Variants in STARD9 observed in about 807,000 individuals in gnomAD.
STARD9 encodes the protein StAR related lipid transfer domain containing 9.
A neutral mutation model predicts 399.8 loss-of-function variants in STARD9; 346 were observed. The observed-to-expected ratio is 0.87, with a 90% CI of 0.79 to 0.95. STARD9 has a LOEUF of 0.95. STARD9 is among the 40% of genes least tolerant of loss of function. STARD9 has a pLI of 0.00. For missense variants in STARD9, 5,832 were observed against 5,667.5 expected, an observed-to-expected ratio of 1.03 and a Z score of -0.93; for synonymous variants, 2,203 against 2,143.5, an observed-to-expected ratio of 1.03 and a Z score of -0.77.
chr15:42,662,974 C>G, intron 11 of STARD9, 83 bp downstream of exon 11: 1 of 1,060,514 alleles, frequency 9.4e-7, no homozygotes, highest in Non-Finnish European at 1.4e-6. Context: ...AGGGTAGACA[C>G]AGGGTTCCTT....
intron 26 of STARD9, among the ~76,000 whole-genome samples, chr15:42,700,054 G>C (rs1219364624): frequency 6.6e-6 from 1 of 152,126 alleles, no homozygotes; most frequent in African/African-American, 2.4e-5. Context: ...GTCTATGCCT[G>C]GTGTCTTCCA....
Position 42,693,191 on chromosome 15 carries a change from C to T in STARD9, c.11613C>T (p.Pro3871=), listed in dbSNP as rs1324924341. ...CCCCTCATTCCCCAGGGCTCTTTCC[C>T]AGTACTTCCGAGTATCCTGGGGACT... ...PSSPHSPGLF[P]STSEYPGDSR... The change falls in exon 23 of 33, where the codon CCC becomes CCT. Residue 3871 remains proline, a synonymous_variant. Coordinates refer to ENST00000290607, the MANE Select transcript of STARD9 (RefSeq NM_020759.3). 1.3e-6 allele frequency: 2 copies of T among 1,537,128 alleles called. No homozygotes were observed. The highest frequency in any genetic ancestry group is 2.0e-5 in the Admixed American group (1 of 50,990).
Position 42,686,322 on chromosome 15 carries a change from A to G in STARD9, c.4744A>G (p.Lys1582Glu). ...TTCAGATTTCTTTAGCACTAGTGAG[A>G]AAGAGGCGAGTTATGACGAAACTTA... Reference protein sequence around the residue: ...GVSDFFSTSEKEASYDETYSA... With the variant: ...GVSDFFSTSEEEASYDETYSA... Residue 1582 changes from lysine (K) to glutamate (E), a missense_variant, in exon 23 of 33, where the codon AAA becomes GAA. Physicochemically the swap from Lys to Glu is moderately conservative, Grantham distance 56. Around this residue, in one of 2 missense-constraint regions of STARD9, gnomAD observed 5,828 missense variants for 5,651.1 expected, o/e 1.03. Coordinates refer to ENST00000290607, the MANE Select transcript of STARD9 (RefSeq NM_020759.3). The G allele has an allele frequency of 6.5e-7, 1 of 1,537,558 alleles. No individual in the cohort carries two copies. Among genetic ancestry groups the G allele is most frequent in the Non-Finnish European group, 8.7e-7 (1 of 1,146,978 alleles).
At chr15:42,644,487 C>T (rs1394610575) in intron 7 of STARD9, among the ~76,000 whole-genome samples, 1 of 150,172 alleles carries the variant, frequency 6.7e-6, no homozygotes, top group African/African-American at 2.5e-5. Context: ...AGTGAGACTC[C>T]GTCTAAAAAA....
At chr15:42,645,519 G>A (rs2059628113) in intron 7 of STARD9, among the ~76,000 whole-genome samples, 1 of 151,902 alleles carries the variant, frequency 6.6e-6, no homozygotes, top group South Asian at 2.1e-4. Flanking sequence ...CCATTTATAG[G>A]GCACAGGCAG....
At chr15:42,576,258 T>C (rs2058053892) in intron 1 of STARD9, among the ~76,000 whole-genome samples, 1 of 152,182 alleles carries the variant, frequency 6.6e-6, no homozygotes, top group Non-Finnish European at 1.5e-5. Flanking sequence ...TTTCTTTCTA[T>C]GCTCGACAGC....
intron 1 of STARD9, among the ~76,000 whole-genome samples, chr15:42,580,847 T>A (rs567177564): frequency 6.6e-6 from 1 of 152,236 alleles, no homozygotes; most frequent in African/African-American, 2.4e-5. Context: ...AGAGTTTAAC[T>A]GTTTTCCTCT....
intron 1 of STARD9, among the ~76,000 whole-genome samples, chr15:42,582,131 C>T (rs560650178): frequency 2.6e-5 from 4 of 152,284 alleles, no homozygotes; most frequent in South Asian, 2.1e-4. Context: ...AGAGTGAGAT[C>T]CTGTCTCTAA....
chr15:42,580,619 G>A (rs561463389), intron 1 of STARD9, among the ~76,000 whole-genome samples: 1 of 152,224 alleles, frequency 6.6e-6, no homozygotes, highest in Admixed American at 6.5e-5. Flanking sequence ...TTCGAGACCA[G>A]CCTGGCCAGT....
chr15:42,685,769 A>C lies in STARD9; in HGVS notation c.4191A>C (p.Lys1397Asn). The part of the protein sequence containing the change: ...DAETVLPYSS[K>N]LHQGSTELLC... ...AAACGGTTCTGCCATATAGCTCCAA[A>C]CTGCACCAAGGCAGTACTGAGCTCC... Residue 1397 changes from lysine (K) to asparagine (N), a missense_variant, in exon 23 of 33, where the codon AAA becomes AAC. By Grantham distance (94) the Lys-to-Asn change is moderately conservative. Coordinates refer to ENST00000290607, the MANE Select transcript of STARD9 (RefSeq NM_020759.3). 1 of 1,537,350 alleles carries C rather than the reference A, an allele frequency of 6.5e-7. No individual in the cohort carries two copies. Among genetic ancestry groups the C allele is most frequent in the Non-Finnish European group, 8.7e-7 (1 of 1,146,934 alleles).
In STARD9 at chr15:42,688,584, C is replaced by T. The variant is rs181691566; in HGVS notation, c.7006C>T (p.Pro2336Ser). ...TCACCAAGACCTGAGTAATACCTTG[C>T]CCTTGAATTCTCCAAGGTGGCCAAG... The part of the protein sequence containing the change: ...PLHQDLSNTL[P>S]LNSPRWPRRC... The change falls in exon 23 of 33, where the codon CCC becomes TCC. Residue 2336 changes from proline to serine, a missense_variant. Physicochemically the swap from Pro to Ser is moderately conservative, Grantham distance 74 (BLOSUM62 -1). This residue lies in a region of STARD9 where 5,828 missense variants were observed against 5,651.1 expected (regional missense o/e 1.03). Transcript: ENST00000290607. 135 of 1,537,590 alleles carry T rather than the reference C, an allele frequency of 8.8e-5. No individual in the cohort carries two copies. In the African/African-American group the frequency reaches 1.6e-3, roughly 18 times the overall value.
In STARD9 at chr15:42,682,194, C is replaced by A; in HGVS notation, c.2156C>A (p.Ala719Glu). The A allele has an allele frequency of 6.5e-7, 1 of 1,537,250 alleles. No individual in the cohort carries two copies. ...EDQVAEKELE[A>E]SVALDAWLQT... ...CAGGTAGCAGAGAAAGAACTTGAGGCATCTGTGGCACTTGATGCTTGGCTT... is the reference window on the plus strand; with the variant it reads ...CAGGTAGCAGAGAAAGAACTTGAGGAATCTGTGGCACTTGATGCTTGGCTT... Residue 719 changes from alanine to glutamate, a missense_variant, in exon 22 of 33, where the codon GCA (alanine) becomes GAA (glutamate). Ala to Glu is a moderately radical substitution (Grantham distance 107, BLOSUM62 -1). Transcript: ENST00000290607.
At position 42,606,485 on chromosome 15, in the gene STARD9, G is replaced by A. The variant is rs150454654; in HGVS notation, c.234+20848G>A. 3.7e-3 allele frequency among the ~76,000 whole-genome samples: 567 copies of A among 152,050 alleles called. 5 individuals carry two copies. Among genetic ancestry groups the A allele is most frequent in the African/African-American group, 0.013 (540 of 41,444 alleles). On this transcript the variant is annotated intron_variant, in intron 3 of 32. Transcript: ENST00000290607. ...TAGTTTTGTTTTTTGAAACAGGGTC[G>A]GACTCTGTTGCCCAGGCTGGAGTGC...
At chr15:42,641,172 A>C (rs1178710238) in intron 7 of STARD9, among the ~76,000 whole-genome samples, 1 of 152,204 alleles carries the variant, frequency 6.6e-6, no homozygotes, top group Non-Finnish European at 1.5e-5. Context: ...TCAGGATTCA[A>C]ATCTCAGGGT....
chr15:42,675,782 C>T, intron 19 of STARD9, 36 bp downstream of exon 19: 2 of 1,533,704 alleles, frequency 1.3e-6, no homozygotes, highest in Non-Finnish European at 1.7e-6. Flanking sequence ...TATTGCTGGC[C>T]TCCCTGTTTC....
chr15:42,601,575 G>C (rs1346020366), intron 3 of STARD9, among the ~76,000 whole-genome samples: 1 of 149,928 alleles, frequency 6.7e-6, no homozygotes, highest in Admixed American at 6.6e-5. Context: ...CTGGGCGGGG[G>C]CTGCCCCCCC....
Position 42,690,549 on chromosome 15 carries a change from C to T in STARD9, c.8971C>T (p.Pro2991Ser), listed in dbSNP as rs778604481. The change falls in exon 23 of 33, where the codon CCA becomes TCA. Residue 2991 changes from proline (P) to serine (S), a missense_variant. By Grantham distance (74) the Pro-to-Ser change is moderately conservative. Transcript: ENST00000290607. ...AGGGAAGGAGCCTTTCAAGGCTGCC[C>T]CACATACTATCCACCCACCCTGTGT... ...DLGKEPFKAA[P>S]HTIHPPCVVP... 31 of 1,537,118 alleles carry T rather than the reference C, an allele frequency of 2.0e-5. No homozygotes were observed. Among genetic ancestry groups the T allele is most frequent in the South Asian group, 4.8e-5 (4 of 84,058 alleles).
intron 26 of STARD9, among the ~76,000 whole-genome samples, chr15:42,703,367 GT>G (rs34868427): frequency 0.41 from 57,183 of 140,100 alleles, 16,477 homozygotes; most frequent in African/African-American, 0.83. Flanking sequence ...TGTTTTGTTT[GT>G]TTTTTTTTTT....
chr15:42,645,249 T>C (rs903854300), intron 7 of STARD9, among the ~76,000 whole-genome samples: 1 of 152,212 alleles, frequency 6.6e-6, no homozygotes, highest in Non-Finnish European at 1.5e-5. Context: ...GTGACAACTA[T>C]AGCTTTATGA....
Sources: gnomAD v4.1 joint callset for allele counts (sites outside exome capture counted in the v4.1 genomes callset) on GRCh38, gnomAD v4.1.1 for gene constraint, gnomAD v4.1.1 regional missense constraint, MANE v1.5 for transcripts, NCBI Gene and HGNC (gene_info 2026-07-23, HGNC 2026-07-21) for gene names.